EPHA6: variants seen among roughly 807,000 people sequenced by gnomAD.
EPHA6 encodes the protein ephrin type-A receptor 6.
A neutral mutation model predicts 112.0 loss-of-function variants in EPHA6; 50 were observed. The observed-to-expected ratio is 0.45, with a 90% CI of 0.36 to 0.56. The LOEUF is 0.56. EPHA6 is among the 20% of genes least tolerant of loss of function. The pLI, the probability that EPHA6 is intolerant of heterozygous loss-of-function variation, is 0.00. For synonymous variants in EPHA6, 529 were observed against 490.7 expected, an observed-to-expected ratio of 1.08 and a Z score of -1.03; for missense variants, 1,280 against 1,417.4, an observed-to-expected ratio of 0.90 and a Z score of 1.56.
intron 5 of EPHA6, among the ~76,000 whole-genome samples, chr3:97,316,774 T>A (rs1037116578): frequency 1.3e-5 from 2 of 151,842 alleles, no homozygotes; most frequent in Admixed American, 1.3e-4. Flanking sequence ...ACCAGAAAAA[T>A]GAGAATTTCC....
intron 3 of EPHA6, among the ~76,000 whole-genome samples, chr3:97,103,971 G>T (rs1235831737): frequency 1.3e-5 from 2 of 152,050 alleles, no homozygotes; most frequent in Non-Finnish European, 2.9e-5. Context: ...ATATAGGAAT[G>T]CTTGTCACTT....
At chr3:97,078,953 C>T (rs546387900) in intron 3 of EPHA6, among the ~76,000 whole-genome samples, 23 of 152,190 alleles carry the variant, frequency 1.5e-4, no homozygotes, top group Admixed American at 9.2e-4. Flanking sequence ...GACAGTGTGG[C>T]GATTCCTCAA....
intron 1 of EPHA6, among the ~76,000 whole-genome samples, chr3:96,854,427 T>C (rs959470184): frequency 1.3e-5 from 2 of 151,882 alleles, no homozygotes; most frequent in African/African-American, 4.8e-5. Context: ...AAGAGATTTT[T>C]CTATAAGCCT....
chr3:96,820,239 A>G (rs574957500), intron 1 of EPHA6, among the ~76,000 whole-genome samples: 12 of 152,280 alleles, frequency 7.9e-5, no homozygotes, highest in South Asian at 4.1e-4. Context: ...ATTCATGTTA[A>G]GAAACTGAAT....
At chr3:96,947,462 G>A (rs1014235159) in intron 2 of EPHA6, among the ~76,000 whole-genome samples, 21 of 152,072 alleles carry the variant, frequency 1.4e-4, no homozygotes, top group African/African-American at 5.1e-4. Flanking sequence ...TCTTGTTTTT[G>A]TCAGGTTTGT....
chr3:97,549,817 A>G (rs1560127064), intron 11 of EPHA6, among the ~76,000 whole-genome samples: 1 of 150,788 alleles, frequency 6.6e-6, no homozygotes, highest in Non-Finnish European at 1.5e-5. Context: ...TCTCCAAAAT[A>G]ATAAAATAAA....
At chr3:97,650,580 A>G (rs2094101028) in intron 14 of EPHA6, among the ~76,000 whole-genome samples, 1 of 152,030 alleles carries the variant, frequency 6.6e-6, no homozygotes, top group African/African-American at 2.4e-5. Flanking sequence ...GCTCAGTCAT[A>G]TATACTATTA....
chr3:97,391,481 A>T (rs552668264), intron 5 of EPHA6, among the ~76,000 whole-genome samples: 11 of 151,928 alleles, frequency 7.2e-5, no homozygotes, highest in Non-Finnish European at 1.6e-4. Context: ...TTCCAGGCTG[A>T]TCCTATTTCT....
intron 3 of EPHA6, among the ~76,000 whole-genome samples, chr3:97,136,389 A>G (rs2075770290): frequency 6.6e-6 from 1 of 152,164 alleles, no homozygotes; most frequent in South Asian, 2.1e-4. Flanking sequence ...CTCAACTGCT[A>G]TGTTAAACAG....
Position 97,545,463 on chromosome 3 carries a change from C to T in EPHA6, c.2386+12920C>T, listed in dbSNP as rs530368411. 4.8e-3 allele frequency among the ~76,000 whole-genome samples: 736 copies of T among 152,232 alleles called. 4 individuals carry two copies. The highest frequency in any genetic ancestry group is 7.6e-3 in the Non-Finnish European group (517 of 68,022). On this transcript the variant is annotated intron_variant, in intron 11 of 17. Coordinates refer to ENST00000389672, the MANE Select transcript of EPHA6 (RefSeq NM_001080448.3). ...TGTAATTTCTATTCTTTTACATTTG[C>T]TGAGGAGTGCTTTACTTCCAACTGT...
At chr3:96,902,862 ATATTGAG>A (rs2038694337) in intron 2 of EPHA6, among the ~76,000 whole-genome samples, 1 of 152,194 alleles carries the variant, frequency 6.6e-6, no homozygotes, top group African/African-American at 2.4e-5. Flanking sequence ...CAACAAGCAT[ATATTGAG>A]TATTTACAGT....
At chr3:96,874,015 G>A (rs745837919) in intron 2 of EPHA6, among the ~76,000 whole-genome samples, 1 of 152,066 alleles carries the variant, frequency 6.6e-6, no homozygotes, top group Admixed American at 6.6e-5. Context: ...GACCAAAGAA[G>A]CTGGTATTAA....
chr3:97,569,184 G>A (rs1277734509), intron 11 of EPHA6, among the ~76,000 whole-genome samples: 3 of 152,148 alleles, frequency 2.0e-5, no homozygotes, highest in African/African-American at 7.2e-5. Flanking sequence ...TAAAGGCACT[G>A]TGTTGCTATT....
intron 5 of EPHA6, among the ~76,000 whole-genome samples, chr3:97,303,954 T>C (rs1420690342): frequency 1.3e-5 from 2 of 152,092 alleles, no homozygotes; most frequent in African/African-American, 2.4e-5. Flanking sequence ...AAGAGGCCCT[T>C]CACTTCCCTT....
chr3:96,963,726 A>G (rs923957727), intron 2 of EPHA6, among the ~76,000 whole-genome samples: 2 of 152,196 alleles, frequency 1.3e-5, no homozygotes, highest in Non-Finnish European at 2.9e-5. Context: ...AGTGGTGGGA[A>G]TAAATACTGT....
intron 14 of EPHA6, among the ~76,000 whole-genome samples, chr3:97,664,247 A>G (rs1309434399): frequency 5.3e-5 from 8 of 152,150 alleles, no homozygotes; most frequent in African/African-American, 1.9e-4. Context: ...CCTTTGTCAG[A>G]TGAGTAGATG....
At chr3:97,271,283 G>T (rs2079870386) in intron 5 of EPHA6, among the ~76,000 whole-genome samples, 1 of 152,196 alleles carries the variant, frequency 6.6e-6, no homozygotes. Flanking sequence ...CTAAATCCAT[G>T]AGTTCTCTCC....
intron 2 of EPHA6, among the ~76,000 whole-genome samples, chr3:96,966,081 A>G (rs2042112929): frequency 1.3e-5 from 2 of 152,098 alleles, no homozygotes; most frequent in Non-Finnish European, 2.9e-5. Flanking sequence ...AATTTAGGAT[A>G]TTTTTATTGA....
chr3:96,922,604 AT>A (rs2039823997), intron 2 of EPHA6, among the ~76,000 whole-genome samples: 1 of 152,168 alleles, frequency 6.6e-6, no homozygotes, highest in Admixed American at 6.5e-5. Context: ...AATGTATGAT[AT>A]TTGTAATCAT....
Sources: allele counts gnomAD v4.1 joint callset (sites outside exome capture counted in the v4.1 genomes callset), GRCh38; gene constraint gnomAD v4.1.1; transcripts MANE v1.5; gene names NCBI Gene and HGNC (gene_info 2026-07-23, HGNC 2026-07-21).